Variants in VIPR2 observed in about 807,000 individuals in gnomAD.
VIPR2 encodes vasoactive intestinal peptide receptor 2.
Under a neutral mutation model 58.0 loss-of-function variants are expected in VIPR2, and 48 were observed. The observed-to-expected ratio is 0.83, with a 90% CI of 0.66 to 1.05. The LOEUF is 1.05. Among genes scored for constraint, VIPR2 ranks in the 50% least tolerant of loss-of-function variants. The pLI, the probability that VIPR2 is intolerant of heterozygous loss-of-function variation, is 0.00. For synonymous variants in VIPR2, 243 were observed against 235.2 expected (o/e 1.03, Z -0.30); for missense variants, 534 against 558.0 (o/e 0.96, Z 0.43).
In VIPR2 at chr7:159,097,349, AT is replaced by A; in HGVS notation, c.357+6407del. 1 of 1,078,544 alleles carries A rather than the reference AT, an allele frequency of 9.3e-7. No homozygotes were observed. Among genetic ancestry groups the A allele is most frequent in the Non-Finnish European group, 1.2e-6 (1 of 818,836 alleles). 66.8% of individuals were successfully genotyped at this position (1,078,544 alleles called of 1,614,324 possible). ...AATGCCAAACAGTTCTCTTGGCTAA[AT>A]TTAGCAGACGTGCTCTTTATGTAAG... On this transcript the variant is annotated intron_variant, in intron 4 of 12. Transcript: ENST00000262178. This position sits in a 1 kb window ranked among gnomAD's most constrained non-coding sequence, Gnocchi z 5.3.
chr7:159,088,061 T>C (rs1217269335), intron 4 of VIPR2, among the ~76,000 whole-genome samples: 1 of 152,204 alleles, frequency 6.6e-6, no homozygotes, highest in Non-Finnish European at 1.5e-5. Context: ...ACCCGACCCC[T>C]GAAGGCACTG....
chr7:159,144,301 T>A, intron 1 of VIPR2: 1 of 1,402,352 alleles, frequency 7.1e-7, no homozygotes, highest in Non-Finnish European at 9.4e-7. Context: ...AACTAACCAG[T>A]AAGTACAGGG....
chr7:159,125,369 G>A (rs1199312762), intron 2 of VIPR2, among the ~76,000 whole-genome samples: 1 of 152,128 alleles, frequency 6.6e-6, no homozygotes, highest in East Asian at 1.9e-4. Context: ...AGATGTTCTT[G>A]GCCAGTCCAC....
chr7:159,095,646 C>T lies in VIPR2; in HGVS notation c.357+8111G>A, dbSNP rs1857783465. The stretch of plus-strand genomic sequence containing the variant: ...ATTAAGAGGGAGAACAGGAGTGTCA[C>T]CGGAAGCCCCAGACTCAAGGCCCTG... On this transcript the variant is annotated intron_variant, in intron 4 of 12. Transcript: ENST00000262178. The surrounding 1 kb of genome is among the most constrained non-coding windows in gnomAD (Gnocchi z 5.2). Among the ~76,000 whole-genome samples, 1 of 152,168 alleles carries T rather than the reference C, an allele frequency of 6.6e-6. No homozygotes were observed. Among genetic ancestry groups the T allele is most frequent in the Non-Finnish European group, 1.5e-5 (1 of 68,038 alleles).
chr7:159,138,017 C>T (rs1563359800), intron 2 of VIPR2, among the ~76,000 whole-genome samples: 1 of 152,220 alleles, frequency 6.6e-6, no homozygotes, highest in Non-Finnish European at 1.5e-5. Flanking sequence ...GAGCATAACA[C>T]AGTGATTATT....
intron 6 of VIPR2, among the ~76,000 whole-genome samples, chr7:159,042,215 G>C (rs1469907978): frequency 2.6e-5 from 4 of 152,146 alleles, no homozygotes; most frequent in African/African-American, 9.7e-5. Context: ...AATGCGGGAG[G>C]AGAGTCTGGA....
At chr7:159,057,897 G>A (rs1254465844) in intron 5 of VIPR2, among the ~76,000 whole-genome samples, 1 of 152,206 alleles carries the variant, frequency 6.6e-6, no homozygotes, top group African/African-American at 2.4e-5. Context: ...GGAAGAGTGG[G>A]CAGCATTTAA....
At chr7:159,116,639 G>C (rs1169538899) in intron 2 of VIPR2, among the ~76,000 whole-genome samples, 1 of 152,188 alleles carries the variant, frequency 6.6e-6, no homozygotes, top group Admixed American at 6.5e-5. Flanking sequence ...GCAGCCTTCC[G>C]ACATTTCTGA....
rs2129495454 is a variant in VIPR2, at chr7:159,093,972, G to T, written c.357+9785C>A. On this transcript the variant is annotated intron_variant, in intron 4 of 12. Transcript: ENST00000262178. The surrounding 1 kb of genome is among the most constrained non-coding windows in gnomAD (Gnocchi z 6.7). ...AAAGGGAGCAGGAAGCTGAAGGGTA[G>T]GATGGGGAACAGGCTCACATCTGTG... 6.6e-6 allele frequency among the ~76,000 whole-genome samples: 1 copy of T among 152,372 alleles called. No homozygotes were observed. Among genetic ancestry groups the T allele is most frequent in the Middle Eastern group, 3.4e-3 (1 of 294 alleles).
At chr7:159,044,771 G>GA (rs1563267918) in intron 5 of VIPR2, among the ~76,000 whole-genome samples, 1 of 146,788 alleles carries the variant, frequency 6.8e-6, no homozygotes, top group Non-Finnish European at 1.5e-5. Flanking sequence ...GCCAAAGCAG[G>GA]TTTTTTTTTT....
rs988213830 is a variant in VIPR2 at position 159,130,242 on chromosome 7, G to A, written c.151+12204C>T. Reference sequence around the variant, plus strand: ...GAGAGACTTTTAGGTTATGGTTTAAGTGATAAGAGCCCTTCCCCCAAACTC... The same window carrying A: ...GAGAGACTTTTAGGTTATGGTTTAAATGATAAGAGCCCTTCCCCCAAACTC... On this transcript the variant is annotated intron_variant, in intron 2 of 12. Coordinates refer to ENST00000262178, the MANE Select transcript of VIPR2 (RefSeq NM_003382.5). 4.6e-5 allele frequency among the ~76,000 whole-genome samples: 7 copies of A among 152,300 alleles called. No individual in the cohort carries two copies. The East Asian group carries it at 1.2e-3, about 25-fold the overall frequency.
At chr7:159,037,134 C>T (rs968939105) in intron 6 of VIPR2, among the ~76,000 whole-genome samples, 3 of 152,208 alleles carry the variant, frequency 2.0e-5, no homozygotes, top group South Asian at 2.1e-4. Context: ...TCACTGCAAA[C>T]GCAACTGTGA....
intron 3 of VIPR2, among the ~76,000 whole-genome samples, chr7:159,108,868 A>G (rs960991598): frequency 4.6e-5 from 7 of 152,208 alleles, no homozygotes; most frequent in African/African-American, 1.7e-4. Flanking sequence ...AGGTTCTCTA[A>G]AGTGACTTAG....
At chr7:159,049,226 AC>A (rs1182544593) in intron 5 of VIPR2, among the ~76,000 whole-genome samples, 1 of 152,250 alleles carries the variant, frequency 6.6e-6, no homozygotes, top group Non-Finnish European at 1.5e-5. Flanking sequence ...CTCTCTTAGA[AC>A]ACTTAAATTC....
At position 159,095,400 on chromosome 7, in the gene VIPR2, T is replaced by C. The variant is rs1284942078; in HGVS notation, c.357+8357A>G. On this transcript the variant is annotated intron_variant, in intron 4 of 12. Coordinates refer to ENST00000262178, the MANE Select transcript of VIPR2 (RefSeq NM_003382.5). This position sits in a 1 kb window ranked among gnomAD's most constrained non-coding sequence, Gnocchi z 5.2. The stretch of plus-strand genomic sequence containing the variant: ...TGACAGGGCTCACAGTCGGGGAACC[T>C]GGCCCTGTTCTTGCAACTAACTTCA... Among the ~76,000 whole-genome samples, 3 of 152,174 alleles carry C rather than the reference T, an allele frequency of 2.0e-5. No individual in the cohort carries two copies. Among genetic ancestry groups the C allele is most frequent in the African/African-American group, 4.8e-5 (2 of 41,442 alleles).
chr7:159,142,295 CAGT>C (rs1797501996), intron 2 of VIPR2, 148 bp downstream of exon 2: 1 of 593,138 alleles, frequency 1.7e-6, no homozygotes, highest in South Asian at 2.3e-5. Context: ...TGAGTTTTAC[CAGT>C]AGTTCATTAA....
chr7:159,062,369 A>G (rs1369757005), intron 4 of VIPR2, among the ~76,000 whole-genome samples: 1 of 152,154 alleles, frequency 6.6e-6, no homozygotes, highest in Non-Finnish European at 1.5e-5. Flanking sequence ...AGTGAGTGTT[A>G]CAGTTCTTAA....
At chr7:159,112,886 G>A (rs541775481) in intron 2 of VIPR2, among the ~76,000 whole-genome samples, 1 of 151,916 alleles carries the variant, frequency 6.6e-6, no homozygotes, top group Admixed American at 6.6e-5. Flanking sequence ...ACCTACTTGG[G>A]ACCGGATCCT....
intron 2 of VIPR2, among the ~76,000 whole-genome samples, chr7:159,116,353 T>A (rs747856353): frequency 6.6e-6 from 1 of 152,042 alleles, no homozygotes; most frequent in Non-Finnish European, 1.5e-5. Flanking sequence ...CAGAGCAGAG[T>A]CACATGGGCC....
Sources: allele counts gnomAD v4.1 joint callset (sites outside exome capture counted in the v4.1 genomes callset), GRCh38; gene constraint gnomAD v4.1.1; non-coding constraint Gnocchi (gnomAD v3.1); transcripts MANE v1.5; gene names NCBI Gene and HGNC (gene_info 2026-07-23, HGNC 2026-07-21).